SCG3: variants seen among roughly 807,000 people sequenced by gnomAD.
The protein encoded by SCG3 is secretogranin-3.
SCG3 carries 38 observed loss-of-function variants against 56.2 expected under a neutral mutation model. The observed-to-expected ratio is 0.68, with a 90% CI of 0.52 to 0.89. The LOEUF is 0.89. SCG3 is among the 40% of genes least tolerant of loss of function. The pLI, the probability that SCG3 is intolerant of heterozygous loss-of-function variation, is 0.00. For synonymous variants in SCG3, 176 were observed against 184.2 expected, an observed-to-expected ratio of 0.96 and a Z score of 0.36; for missense variants, 524 against 540.7, an observed-to-expected ratio of 0.97 and a Z score of 0.31.
intron 10 of SCG3, among the ~76,000 whole-genome samples, chr15:51,709,687 ATATATATATATATATTTTTT>A (rs2055401702): frequency 2.2e-4 from 3 of 13,952 alleles, no homozygotes; most frequent in Non-Finnish European, 4.7e-4. Flanking sequence ...ATATATATAT[ATATATATATATATATTTTTT>A]TTTTTTTTTT....
At chr15:51,704,764 C>CATATATATATATATATATATATATA (rs2055363173) in intron 10 of SCG3, among the ~76,000 whole-genome samples, 1 of 67,010 alleles carries the variant, frequency 1.5e-5, no homozygotes, top group Non-Finnish European at 3.5e-5. Context: ...GTGAGTAATA[C>CATATATATATATATATATATATATA]ATATATATAT....
At position 51,698,246 on chromosome 15, in the gene SCG3, A is replaced by G. The variant is rs183035196; in HGVS notation, c.986-1073A>G. ...CATGCTTTTTTGAGAATGGCAGAAA[A>G]GGCTCGTCCTAAAATAGTGTAGTGA... On this transcript the variant is annotated intron_variant, in intron 8 of 11. Coordinates refer to ENST00000220478, the MANE Select transcript of SCG3 (RefSeq NM_013243.4). Among the ~76,000 whole-genome samples, 158 of 152,334 alleles carry G rather than the reference A, an allele frequency of 1.0e-3. 1 individual carries two copies. The Middle Eastern group carries it at 0.034, about 33-fold the overall frequency.
chr15:51,703,567 A>T (rs765652750), intron 10 of SCG3, among the ~76,000 whole-genome samples: 1 of 152,214 alleles, frequency 6.6e-6, no homozygotes, highest in Non-Finnish European at 1.5e-5. Context: ...TTCTAGCAAC[A>T]ACGGGATATT....
chr15:51,698,605 A>T (rs1413098899), intron 8 of SCG3, among the ~76,000 whole-genome samples: 1 of 152,262 alleles, frequency 6.6e-6, no homozygotes, highest in Non-Finnish European at 1.5e-5. Flanking sequence ...GGAGAAGTCC[A>T]TGGAGGGATG....
At chr15:51,681,888 A>C (rs746129733) in intron 1 of SCG3, 51 bp downstream of exon 1, 5 of 1,507,076 alleles carry the variant, frequency 3.3e-6, no homozygotes, top group Non-Finnish European at 4.6e-6. Context: ...CGCCACGAAA[A>C]GGTAAAGTTT....
intron 8 of SCG3, among the ~76,000 whole-genome samples, chr15:51,696,409 G>T (rs1182663030): frequency 6.6e-6 from 1 of 152,084 alleles, no homozygotes; most frequent in African/African-American, 2.4e-5. Context: ...AATTAGCTGG[G>T]TATGGTGGTG....
chr15:51,681,936 T>G, intron 1 of SCG3, 99 bp downstream of exon 1: 2 of 878,996 alleles, frequency 2.3e-6, no homozygotes, highest in Non-Finnish European at 3.8e-6. Context: ...CTGACGCGTT[T>G]TCTGATCAAA....
chr15:51,708,700 C>CA (rs966442175), intron 10 of SCG3, among the ~76,000 whole-genome samples: 31 of 151,836 alleles, frequency 2.0e-4, no homozygotes, highest in Admixed American at 9.8e-4. Flanking sequence ...CTAAAAAATA[C>CA]AAAAAAAATT....
At chr15:51,685,638 G>T (rs1198334831) in intron 4 of SCG3, among the ~76,000 whole-genome samples, 2 of 152,184 alleles carry the variant, frequency 1.3e-5, no homozygotes, top group African/African-American at 4.8e-5. Context: ...CCACTAAGTT[G>T]AATAGAACCT....
At chr15:51,712,452 T>C (rs146727243) in intron 10 of SCG3, among the ~76,000 whole-genome samples, 1 of 152,324 alleles carries the variant, frequency 6.6e-6, no homozygotes, top group East Asian at 1.9e-4. Flanking sequence ...TTTTTTGATA[T>C]AGAACAAAGC....
At chr15:51,700,047 C>G (rs1212567030) in intron 9 of SCG3, among the ~76,000 whole-genome samples, 1 of 152,146 alleles carries the variant, frequency 6.6e-6, no homozygotes, top group African/African-American at 2.4e-5. Context: ...CCAAAAATTG[C>G]AAATTGTTAT....
Position 51,719,586 on chromosome 15 carries a change from C to G in SCG3, c.*60C>G. The G allele has an allele frequency of 1.7e-6, 2 of 1,201,110 alleles. No homozygotes were observed. The highest frequency in any genetic ancestry group is 2.4e-5 in the East Asian group (1 of 41,796). 74.4% of individuals were successfully genotyped at this position (1,201,110 alleles called of 1,614,324 possible). A position where few individuals can be genotyped will look rare whatever the true frequency, so the allele number is the denominator to read the frequency against. ...TCAGAAAACATAATATAGCTTAAAA[C>G]ACTTCTAATTCTGTGATTAAAATTT... On this transcript the variant is annotated 3_prime_UTR_variant, in exon 12 of 12. Coordinates refer to ENST00000220478, the MANE Select transcript of SCG3 (RefSeq NM_013243.4).
rs58036303 is a variant in SCG3, at chr15:51,709,712, T to A, written c.1208-3621T>A. ...ATATATATATATATATTTTTTTTTT[T>A]TTTTTTTTTTTTTTTTTTTTTTTTT... is the stretch of plus-strand genomic sequence containing the variant. On this transcript the variant is annotated intron_variant, in intron 10 of 11. Transcript: ENST00000220478. 1.6e-3 allele frequency among the ~76,000 whole-genome samples: 50 copies of A among 30,688 alleles called. 1 individual carries two copies. The highest frequency in any genetic ancestry group is 4.5e-3 in the African/African-American group (40 of 8,914). 20.1% of individuals were successfully genotyped at this position (30,688 alleles called of 152,430 possible). A position where few individuals can be genotyped will look rare whatever the true frequency, so the allele number is the denominator to read the frequency against.
chr15:51,683,172 G>T, intron 3 of SCG3, 47 bp from the exon 4 acceptor site: 1 of 1,602,218 alleles, frequency 6.2e-7, no homozygotes, highest in South Asian at 1.1e-5. Flanking sequence ...TAGGCTATGA[G>T]AATCTGAACT....
intron 10 of SCG3, among the ~76,000 whole-genome samples, chr15:51,703,229 G>A (rs949304167): frequency 2.0e-5 from 3 of 152,154 alleles, no homozygotes; most frequent in Non-Finnish European, 4.4e-5. Flanking sequence ...CCCACTTAAA[G>A]GTTCCCCACC....
At chr15:51,685,913 A>G (rs896255188) in intron 4 of SCG3, among the ~76,000 whole-genome samples, 4 of 152,260 alleles carry the variant, frequency 2.6e-5, no homozygotes, top group African/African-American at 9.6e-5. Flanking sequence ...GAGGTAGACA[A>G]TAAACCCTGT....
At chr15:51,707,606 G>A (rs960689682) in intron 10 of SCG3, among the ~76,000 whole-genome samples, 1 of 152,176 alleles carries the variant, frequency 6.6e-6, no homozygotes, top group African/African-American at 2.4e-5. Context: ...AGTAAAACAA[G>A]GCCCAGAAGA....
At chr15:51,713,510 T>G in intron 11 of SCG3, 97 bp downstream of exon 11, 1 of 769,010 alleles carries the variant, frequency 1.3e-6, no homozygotes, top group Non-Finnish European at 2.0e-6. Flanking sequence ...TGTGCTAAAG[T>G]CTCCCCGCAG....
intron 10 of SCG3, among the ~76,000 whole-genome samples, chr15:51,704,616 T>C (rs1369497337): frequency 6.6e-6 from 1 of 151,268 alleles, no homozygotes; most frequent in Non-Finnish European, 1.5e-5. Context: ...ATGTCCTCAA[T>C]GTTCATCCAT....
Sources: gnomAD v4.1 joint callset for allele counts (sites outside exome capture counted in the v4.1 genomes callset) on GRCh38, gnomAD v4.1.1 for gene constraint, MANE v1.5 for transcripts, NCBI Gene and HGNC (gene_info 2026-07-23, HGNC 2026-07-21) for gene names.